The following TRIM3 variants were observed in gnomAD, a reference collection of about 807,000 sequenced individuals.
The protein encoded by TRIM3 is tripartite motif containing 3.
Under a neutral mutation model 66.6 loss-of-function variants are expected in TRIM3, and 13 were observed. The observed-to-expected ratio is 0.20, with a 90% CI of 0.13 to 0.31. The LOEUF is 0.31. Among genes scored for constraint, TRIM3 ranks in the 10% least tolerant of loss-of-function variants. The pLI, the probability that TRIM3 is intolerant of heterozygous loss-of-function variation, is 1.00. For missense variants in TRIM3, 711 were observed against 1,020.4 expected (o/e 0.70, Z 4.13); for synonymous variants, 406 against 411.7 (o/e 0.99, Z 0.17).
Position 6,456,051 on chromosome 11 carries a change from G to T in TRIM3, c.1533+21C>A, listed in dbSNP as rs751029245. ...GAAAACTCTTATTTTGGTGGTGGAG[G>T]AGAGCGGTAAAGGTGCTTACCTGAA... On this transcript the variant is annotated intron_variant, in intron 7 of 11. Coordinates refer to ENST00000345851, the MANE Select transcript of TRIM3 (RefSeq NM_033278.4). The surrounding 1 kb of genome is among the most constrained non-coding windows in gnomAD (Gnocchi z 6.4). The T allele has an allele frequency of 6.2e-7, 1 of 1,608,882 alleles. No homozygotes were observed. The highest frequency in any genetic ancestry group is 8.5e-7 in the Non-Finnish European group (1 of 1,175,298).
chr11:6,450,802 TAGG>T lies in TRIM3; in HGVS notation c.1870+87_1870+89del, dbSNP rs937668038. On this transcript the variant is annotated intron_variant, in intron 9 of 11. Transcript: ENST00000345851. This position sits in a 1 kb window ranked among gnomAD's most constrained non-coding sequence, Gnocchi z 4.8. ...AAGTGGGATCTCCAGAGCCAAGATA[TAGG>T]AGGAGAGGGCCTTTACAGCTGGGGT... The T allele has an allele frequency of 2.1e-5, 32 of 1,545,184 alleles. No individual in the cohort carries two copies. In the African/African-American group the frequency reaches 2.9e-4, roughly 14 times the overall value.
chr11:6,470,734 G>A (rs1046781463), intron 1 of TRIM3, among the ~76,000 whole-genome samples: 5 of 152,208 alleles, frequency 3.3e-5, no homozygotes, highest in African/African-American at 9.7e-5. Flanking sequence ...AGCCATGGGC[G>A]TGGATGACAT....
intron 7 of TRIM3, among the ~76,000 whole-genome samples, chr11:6,455,529 T>C (rs1023048241): frequency 1.3e-5 from 2 of 152,122 alleles, no homozygotes; most frequent in Non-Finnish European, 2.9e-5. Context: ...TAATCAGGTG[T>C]ATGAGGTTAT....
At chr11:6,469,277 G>A (rs1406314223) in intron 1 of TRIM3, among the ~76,000 whole-genome samples, 3 of 152,122 alleles carry the variant, frequency 2.0e-5, no homozygotes, top group South Asian at 2.1e-4. Context: ...ACACAGGGGC[G>A]GGGATTGGGC....
chr11:6,453,956 C>T (rs1252112875), intron 7 of TRIM3, among the ~76,000 whole-genome samples: 1 of 152,170 alleles, frequency 6.6e-6, no homozygotes, highest in African/African-American at 2.4e-5. Flanking sequence ...AAATCTGAGC[C>T]AGGCTCCTAG....
chr11:6,454,879 G>T (rs79355991), intron 7 of TRIM3, among the ~76,000 whole-genome samples: 1 of 152,172 alleles, frequency 6.6e-6, no homozygotes, highest in Non-Finnish European at 1.5e-5. Flanking sequence ...AAGTTTAAAC[G>T]TATAGGTGTT....
chr11:6,464,233 C>T (rs1008842558), intron 2 of TRIM3, among the ~76,000 whole-genome samples: 1 of 152,192 alleles, frequency 6.6e-6, no homozygotes, highest in African/African-American at 2.4e-5. Flanking sequence ...CAGCTTCATC[C>T]CATAATACTC....
chr11:6,466,178 C>T (rs571676114), intron 1 of TRIM3, among the ~76,000 whole-genome samples: 64 of 152,302 alleles, frequency 4.2e-4, no homozygotes, highest in African/African-American at 1.4e-3. Flanking sequence ...TAACTACCTG[C>T]AGCTCTTCCA....
chr11:6,449,429 T>C lies in TRIM3; in HGVS notation c.1959A>G (p.Gly653=). The C allele has an allele frequency of 6.2e-7, 1 of 1,613,910 alleles. No individual in the cohort carries two copies. The highest frequency in any genetic ancestry group is 8.5e-7 in the Non-Finnish European group (1 of 1,179,904). Residue 653 remains glycine, a synonymous_variant, in exon 11 of 12, where the codon GGA becomes GGG. Transcript: ENST00000345851. This position sits in a 1 kb window ranked among gnomAD's most constrained non-coding sequence, Gnocchi z 5.3. The part of the protein sequence containing the change: ...NHSVKVYSAD[G]EFLFKFGSHG... ...GGGAGCCAAACTTGAAGAGGAACTCTCCATCGGCACTGTACACCTGGCGGG... is the reference window on the plus strand; with the variant it reads ...GGGAGCCAAACTTGAAGAGGAACTCCCCATCGGCACTGTACACCTGGCGGG...
intron 1 of TRIM3, among the ~76,000 whole-genome samples, 167 bp downstream of exon 1, chr11:6,473,624 G>A (rs947760109): frequency 4.6e-5 from 7 of 151,908 alleles, no homozygotes; most frequent in Non-Finnish European, 8.8e-5. Context: ...AGCAGCCACA[G>A]CCCGAAGAAT....
rs1401542625 is a variant in TRIM3, at chr11:6,450,977, C to T, written c.1785G>A (p.Lys595=). The T allele has an allele frequency of 3.7e-6, 6 of 1,614,100 alleles. No homozygotes were observed. Among genetic ancestry groups the T allele is most frequent in the Non-Finnish European group, 5.1e-6 (6 of 1,180,050 alleles). Reference sequence around the variant, plus strand: ...GCTGGAAGGTAAAGACGCAGCAAGACTTGTTGTCGACCACAATGATATGTC... The same window carrying T: ...GCTGGAAGGTAAAGACGCAGCAAGATTTGTTGTCGACCACAATGATATGTC... ...RNGHIIVVDN[K]SCCVFTFQPN... is the part of the protein sequence containing the mutation. The change falls in exon 9 of 12, where the codon AAG becomes AAA. Residue 595 remains lysine (K), a synonymous_variant. Transcript: ENST00000345851. The surrounding 1 kb of genome is among the most constrained non-coding windows in gnomAD (Gnocchi z 4.8).
At chr11:6,454,769 G>A (rs1849894213) in intron 7 of TRIM3, among the ~76,000 whole-genome samples, 2 of 152,118 alleles carry the variant, frequency 1.3e-5, no homozygotes, top group Admixed American at 1.3e-4. Context: ...TGCACTTTTA[G>A]ACTGTTAGGT....
At chr11:6,460,423 A>G (rs1277154450) in intron 2 of TRIM3, among the ~76,000 whole-genome samples, 4 of 152,052 alleles carry the variant, frequency 2.6e-5, no homozygotes, top group Non-Finnish European at 5.9e-5. Context: ...TGAATGGAGG[A>G]GTCAGGAGAG....
chr11:6,472,748 A>G (rs1347570606), intron 1 of TRIM3, among the ~76,000 whole-genome samples: 9 of 152,216 alleles, frequency 5.9e-5, no homozygotes, highest in Non-Finnish European at 8.8e-5. Flanking sequence ...ATAAAGTCCC[A>G]AGAAGAGAGA....
At chr11:6,460,225 A>T (rs1447104412) in intron 2 of TRIM3, among the ~76,000 whole-genome samples, 1 of 152,184 alleles carries the variant, frequency 6.6e-6, no homozygotes, top group African/African-American at 2.4e-5. Context: ...ATGTCCACTG[A>T]ATTTGGCAAA....
rs890423910 is a variant in TRIM3 at position 6,449,012 on chromosome 11, C to T, written c.*16G>A. 1.2e-6 allele frequency: 2 copies of T among 1,613,040 alleles called. No individual in the cohort carries two copies. The highest frequency in any genetic ancestry group is 1.7e-6 in the Non-Finnish European group (2 of 1,179,052). ...AATGTCTGTCCCTCCACAAGCCAGG[C>T]AGGGCCTCTGTACAGCTACTGGAGG... On this transcript the variant is annotated 3_prime_UTR_variant, in exon 12 of 12. Coordinates refer to ENST00000345851, the MANE Select transcript of TRIM3 (RefSeq NM_033278.4). This position sits in a 1 kb window ranked among gnomAD's most constrained non-coding sequence, Gnocchi z 5.3.
At chr11:6,470,693 A>G (rs1480443395) in intron 1 of TRIM3, among the ~76,000 whole-genome samples, 2 of 152,218 alleles carry the variant, frequency 1.3e-5, no homozygotes, top group Non-Finnish European at 2.9e-5. Flanking sequence ...GGAGACATGA[A>G]TGTGGATGTT....
intron 7 of TRIM3, among the ~76,000 whole-genome samples, chr11:6,454,397 A>C (rs549277263): frequency 3.5e-4 from 53 of 151,536 alleles, no homozygotes; most frequent in Non-Finnish European, 6.3e-4. Context: ...AAAAAAAAAA[A>C]AAAAAACTAT....
At chr11:6,468,006 G>A (rs563210952) in intron 1 of TRIM3, among the ~76,000 whole-genome samples, 37 of 152,240 alleles carry the variant, frequency 2.4e-4, no homozygotes, top group Middle Eastern at 6.8e-3. Flanking sequence ...TTCATTGGCC[G>A]AGCAAGGTGG....
Sources: allele counts gnomAD v4.1 joint callset (sites outside exome capture counted in the v4.1 genomes callset), GRCh38; gene constraint gnomAD v4.1.1; non-coding constraint Gnocchi (gnomAD v3.1); transcripts MANE v1.5; gene names NCBI Gene and HGNC (gene_info 2026-07-23, HGNC 2026-07-21).